DAB1: variants seen among roughly 807,000 people sequenced by gnomAD.
DAB1 encodes DAB adaptor protein 1.
In DAB1, 15 loss-of-function variants were observed where a neutral mutation model predicts 64.6. That is an observed-to-expected ratio of 0.23 (90% CI 0.16 to 0.36). DAB1 has a LOEUF of 0.36. DAB1 is among the 10% of genes least tolerant of loss of function. The pLI is 1.00. For synonymous variants in DAB1, 235 were observed against 251.9 expected, an observed-to-expected ratio of 0.93 and a Z score of 0.64; for missense variants, 596 against 706.7, an observed-to-expected ratio of 0.84 and a Z score of 1.78.
At chr1:58,356,646 G>C (rs1644114254) in intron 3 of DAB1, among the ~76,000 whole-genome samples, 1 of 152,262 alleles carries the variant, frequency 6.6e-6, no homozygotes, top group African/African-American at 2.4e-5. Flanking sequence ...GTGGAGCAGA[G>C]TAGAAAAGGG....
chr1:57,519,673 T>C (rs1257401346), intron 7 of DAB1, among the ~76,000 whole-genome samples: 1 of 152,174 alleles, frequency 6.6e-6, no homozygotes, highest in African/African-American at 2.4e-5. Context: ...AAATAAGTTA[T>C]CTACGAGGCT....
At chr1:57,171,403 G>A (rs527811181) in intron 2 of DAB1, among the ~76,000 whole-genome samples, 1 of 152,208 alleles carries the variant, frequency 6.6e-6, no homozygotes, top group Non-Finnish European at 1.5e-5. Flanking sequence ...GATAACTCCT[G>A]CTGTCTCTGC....
At chr1:57,211,549 T>C (rs1223409481) in intron 2 of DAB1, among the ~76,000 whole-genome samples, 1 of 152,174 alleles carries the variant, frequency 6.6e-6, no homozygotes, top group Non-Finnish European at 1.5e-5. Flanking sequence ...ACTTAACCCT[T>C]GTGTCTCCAT....
intron 5 of DAB1, among the ~76,000 whole-genome samples, chr1:58,065,956 G>A (rs528473127): frequency 6.6e-6 from 1 of 152,268 alleles, no homozygotes; most frequent in South Asian, 2.1e-4. Context: ...GCAATCCCAG[G>A]GAAGGTTAGC....
At chr1:57,530,400 T>A (rs773238616) in intron 7 of DAB1, among the ~76,000 whole-genome samples, 6 of 152,170 alleles carry the variant, frequency 3.9e-5, no homozygotes, top group Non-Finnish European at 7.3e-5. Context: ...CATGAACCAA[T>A]ATGGATTGTA....
intron 1 of DAB1, among the ~76,000 whole-genome samples, chr1:57,383,094 G>T (rs532744606): frequency 6.6e-6 from 1 of 152,140 alleles, no homozygotes; most frequent in South Asian, 2.1e-4. Flanking sequence ...CTTGGGGGTT[G>T]GACTGTAGTG....
At chr1:57,303,686 T>A (rs993755056) in intron 1 of DAB1, among the ~76,000 whole-genome samples, 2 of 151,192 alleles carry the variant, frequency 1.3e-5, no homozygotes, top group Non-Finnish European at 2.9e-5. Flanking sequence ...AAAAAACAGA[T>A]AATTAGGAAG....
At chr1:57,080,532 T>C (rs925965702) in intron 4 of DAB1, among the ~76,000 whole-genome samples, 1 of 152,184 alleles carries the variant, frequency 6.6e-6, no homozygotes, top group Non-Finnish European at 1.5e-5. Flanking sequence ...TCTAAACATA[T>C]GCTATACACA....
At chr1:58,520,055 T>G (rs571655519) in intron 2 of DAB1, among the ~76,000 whole-genome samples, 1 of 151,982 alleles carries the variant, frequency 6.6e-6, no homozygotes, top group African/African-American at 2.4e-5. Flanking sequence ...TGACTACACA[T>G]GGACACAAAG....
chr1:58,059,593 G>C (rs1186564704), intron 5 of DAB1, among the ~76,000 whole-genome samples: 1 of 152,166 alleles, frequency 6.6e-6, no homozygotes, highest in Non-Finnish European at 1.5e-5. Flanking sequence ...TGGCCACAAG[G>C]CCCCATTTAG....
In DAB1 at chr1:57,963,448, A is replaced by G. The variant is rs1645575536; in HGVS notation, n.388-79286T>C. Reference sequence around the variant, plus strand: ...CATTTACCAATCACGGTGCACCGTTATTCTCTCTCCATCTGTTTGTCTCTC... The same window carrying G: ...CATTTACCAATCACGGTGCACCGTTGTTCTCTCTCCATCTGTTTGTCTCTC... On this transcript the variant is annotated intron_variant and non_coding_transcript_variant, in intron 5 of 20. Transcript: ENST00000485760. Among the ~76,000 whole-genome samples the G allele has an allele frequency of 2.0e-5, 3 of 152,146 alleles. 1 individual carries two copies. The South Asian group carries it at 6.2e-4, about 31-fold the overall frequency.
intron 1 of DAB1, among the ~76,000 whole-genome samples, chr1:57,416,067 G>A (rs1262508423): frequency 4.6e-5 from 7 of 152,038 alleles, no homozygotes; most frequent in South Asian, 2.1e-4. Context: ...AGCTTCCTCC[G>A]GTGAGCCTGT....
chr1:57,751,597 A>T (rs1163193629), intron 6 of DAB1, among the ~76,000 whole-genome samples: 1 of 152,138 alleles, frequency 6.6e-6, no homozygotes, highest in Non-Finnish European at 1.5e-5. Context: ...GCAGAAGATT[A>T]GGGTGAGGAT....
At chr1:57,081,866 T>C (rs72672614) in intron 4 of DAB1, among the ~76,000 whole-genome samples, 4,986 of 152,252 alleles carry the variant, frequency 0.033, 118 homozygotes, top group Non-Finnish European at 0.05. Flanking sequence ...TACATAAATA[T>C]ATTGCTATTA....
At chr1:57,277,029 AC>A (rs1286001613) in intron 2 of DAB1, among the ~76,000 whole-genome samples, 1 of 152,188 alleles carries the variant, frequency 6.6e-6, no homozygotes, top group Admixed American at 6.5e-5. Context: ...TGTAATCATC[AC>A]TTAGCCCTTA....
chr1:57,869,366 T>C (rs1464026463), intron 1 of DAB1, among the ~76,000 whole-genome samples: 1 of 152,140 alleles, frequency 6.6e-6, no homozygotes, highest in Non-Finnish European at 1.5e-5. Flanking sequence ...TTCATCCTTG[T>C]ATCTCCAGTT....
intron 4 of DAB1, among the ~76,000 whole-genome samples, chr1:58,315,679 T>G (rs1461704095): frequency 6.6e-6 from 1 of 152,166 alleles, no homozygotes; most frequent in Non-Finnish European, 1.5e-5. Flanking sequence ...GTTCTGGAAA[T>G]GTACAATTCC....
intron 1 of DAB1, chr1:58,536,881 A>G (rs1646526601): frequency 1.7e-6 from 1 of 575,442 alleles, no homozygotes; most frequent in South Asian, 2.3e-5. Context: ...CGCTTTTCCA[A>G]TTAATAAAAT....
intron 6 of DAB1, among the ~76,000 whole-genome samples, chr1:57,731,364 A>G (rs1268198089): frequency 6.6e-6 from 1 of 152,186 alleles, no homozygotes; most frequent in Non-Finnish European, 1.5e-5. Flanking sequence ...AGTATCAGTT[A>G]GGGAAGATGA....
Sources: allele counts gnomAD v4.1 joint callset (sites outside exome capture counted in the v4.1 genomes callset), GRCh38; gene constraint gnomAD v4.1.1; transcripts MANE v1.5; gene names NCBI Gene and HGNC (gene_info 2026-07-23, HGNC 2026-07-21).